CFAP299: variants seen among roughly 807,000 people sequenced by gnomAD.
The protein encoded by CFAP299 is cilia and flagella associated protein 299.
A neutral mutation model predicts 27.0 loss-of-function variants in CFAP299; 21 were observed. The observed-to-expected ratio is 0.78, with a 90% confidence interval of 0.55 to 1.12. CFAP299 has a LOEUF of 1.12. CFAP299 is among the 50% of genes most tolerant of loss of function. The probability of loss-of-function intolerance (pLI) is 0.00; values close to 1 mark genes in which losing one functional copy is unlikely to be tolerated. For missense variants in CFAP299, 310 were observed against 276.6 expected, an observed-to-expected ratio of 1.12 and a Z score of -0.86; for synonymous variants, 104 against 98.1, an observed-to-expected ratio of 1.06 and a Z score of -0.36.
At chr4:80,732,328 A>G (rs1723584103) in intron 3 of CFAP299, among the ~76,000 whole-genome samples, 1 of 152,062 alleles carries the variant, frequency 6.6e-6, no homozygotes, top group African/African-American at 2.4e-5. Flanking sequence ...GATGCATAGC[A>G]TGACTCTTCT....
At chr4:80,869,706 G>A (rs1190701596) in intron 3 of CFAP299, among the ~76,000 whole-genome samples, 1 of 152,124 alleles carries the variant, frequency 6.6e-6, no homozygotes, top group Non-Finnish European at 1.5e-5. Flanking sequence ...TAGAGATGGG[G>A]TTTCACCATG....
At chr4:80,702,256 A>C (rs570661507) in intron 3 of CFAP299, among the ~76,000 whole-genome samples, 2 of 151,970 alleles carry the variant, frequency 1.3e-5, no homozygotes, top group South Asian at 4.1e-4. Flanking sequence ...GTAAATATTA[A>C]TTTTTATGAA....
chr4:80,399,896 T>C (rs1339256887), intron 2 of CFAP299, among the ~76,000 whole-genome samples: 1 of 152,204 alleles, frequency 6.6e-6, no homozygotes, highest in Non-Finnish European at 1.5e-5. Context: ...TTTCTTGATT[T>C]GGCATGACTT....
intron 1 of CFAP299, among the ~76,000 whole-genome samples, chr4:80,352,545 C>T (rs977335819): frequency 1.6e-4 from 25 of 151,888 alleles, no homozygotes; most frequent in African/African-American, 4.6e-4. Flanking sequence ...CCAGCTTGGG[C>T]GACAGAGTGA....
intron 1 of CFAP299, among the ~76,000 whole-genome samples, chr4:80,359,271 C>A (rs1723426791): frequency 6.6e-6 from 1 of 152,100 alleles, no homozygotes. Context: ...TCATTTTAAT[C>A]TTGGAGAATC....
At chr4:80,887,996 A>G (rs559650074) in intron 4 of CFAP299, among the ~76,000 whole-genome samples, 76 of 152,230 alleles carry the variant, frequency 5.0e-4, no homozygotes, top group African/African-American at 1.5e-3. Context: ...AAATAAAAAA[A>G]TAGGAAAGTA....
At chr4:80,855,804 CA>C (rs1731836886) in intron 3 of CFAP299, among the ~76,000 whole-genome samples, 2 of 152,000 alleles carry the variant, frequency 1.3e-5, no homozygotes, top group Admixed American at 1.3e-4. Context: ...TCCAGTCTAT[CA>C]TTGTTGGACA....
chr4:80,358,751 A>G (rs1723397839), intron 1 of CFAP299, among the ~76,000 whole-genome samples: 1 of 151,878 alleles, frequency 6.6e-6, no homozygotes, highest in Non-Finnish European at 1.5e-5. Context: ...GAAGACAGCA[A>G]TGAGTTTTTG....
intron 3 of CFAP299, among the ~76,000 whole-genome samples, chr4:80,734,220 A>T (rs1432155730): frequency 6.6e-6 from 1 of 152,150 alleles, no homozygotes; most frequent in East Asian, 1.9e-4. Flanking sequence ...ATGATCAGTG[A>T]TGTTGAACAC....
At chr4:80,864,557 T>TAA (rs1341275634) in intron 3 of CFAP299, among the ~76,000 whole-genome samples, 2 of 148,408 alleles carry the variant, frequency 1.3e-5, no homozygotes, top group Non-Finnish European at 3.0e-5. Context: ...TATATATATA[T>TAA]AATAACTAAA....
intron 2 of CFAP299, among the ~76,000 whole-genome samples, chr4:80,475,975 A>G (rs1730254903): frequency 6.6e-6 from 1 of 152,214 alleles, no homozygotes. Flanking sequence ...CTCAACTCTT[A>G]GTAGTTTCCA....
At chr4:80,410,054 A>C (rs1028120533) in intron 2 of CFAP299, among the ~76,000 whole-genome samples, 6 of 152,206 alleles carry the variant, frequency 3.9e-5, no homozygotes, top group African/African-American at 1.4e-4. Flanking sequence ...AGAAGTGTTT[A>C]ACTTGGAGAA....
rs1295589226 is a variant in CFAP299, at chr4:80,603,489, G to C, written c.333+20306G>C. On this transcript the variant is annotated intron_variant, in intron 3 of 5. Transcript: ENST00000358105. The stretch of plus-strand genomic sequence containing the variant: ...TAATAGCTATCGCTGAGTGCTGAGA[G>C]TCAGAGATGATCCCATGATCACATT... Among the ~76,000 whole-genome samples, 4 of 152,120 alleles carry C rather than the reference G, an allele frequency of 2.6e-5. No individual in the cohort carries two copies. The South Asian group carries it at 8.3e-4, about 32-fold the overall frequency.
At chr4:80,807,764 A>G (rs147645472) in intron 3 of CFAP299, among the ~76,000 whole-genome samples, 2 of 152,186 alleles carry the variant, frequency 1.3e-5, no homozygotes, top group East Asian at 3.9e-4. Flanking sequence ...CCTCCAACTG[A>G]TGACATTTTT....
chr4:80,336,249 A>G (rs1174855195), intron 1 of CFAP299, among the ~76,000 whole-genome samples: 1 of 152,210 alleles, frequency 6.6e-6, no homozygotes, highest in Non-Finnish European at 1.5e-5. Context: ...GTGATCTAGG[A>G]CAGACACCTG....
intron 2 of CFAP299, among the ~76,000 whole-genome samples, chr4:80,531,187 C>T (rs911672465): frequency 2.6e-5 from 4 of 151,926 alleles, no homozygotes; most frequent in Admixed American, 2.6e-4. Flanking sequence ...AAGAAATGGC[C>T]ATATTCCAGG....
At chr4:80,610,384 G>A (rs938400281) in intron 3 of CFAP299, among the ~76,000 whole-genome samples, 3 of 151,988 alleles carry the variant, frequency 2.0e-5, no homozygotes, top group Non-Finnish European at 2.9e-5. Flanking sequence ...GAAAGCAAGA[G>A]CAAAATCTAA....
At chr4:80,575,525 G>T (rs1044225904) in intron 2 of CFAP299, among the ~76,000 whole-genome samples, 8 of 151,508 alleles carry the variant, frequency 5.3e-5, no homozygotes, top group African/African-American at 1.5e-4. Flanking sequence ...TTATTTATTT[G>T]GGTCTTCTCT....
intron 3 of CFAP299, among the ~76,000 whole-genome samples, chr4:80,845,497 A>G (rs1419905444): frequency 6.6e-6 from 1 of 152,082 alleles, no homozygotes; most frequent in Non-Finnish European, 1.5e-5. Context: ...CTCTGCTCTC[A>G]CTACTGCTCA....
Sources: gnomAD v4.1 joint callset for allele counts (sites outside exome capture counted in the v4.1 genomes callset) on GRCh38, gnomAD v4.1.1 for gene constraint, MANE v1.5 for transcripts, NCBI Gene and HGNC (gene_info 2026-07-23, HGNC 2026-07-21) for gene names.